The following MARCHF1 variants were observed in gnomAD, a reference collection of about 807,000 sequenced individuals.
MARCHF1 encodes E3 ubiquitin-protein ligase MARCHF1.
A neutral mutation model predicts 54.2 loss-of-function variants in MARCHF1; 40 were observed. The ratio of observed to expected loss-of-function variants is 0.74; its 90% CI spans 0.57 to 0.96. The LOEUF is 0.96. Ranked by LOEUF, MARCHF1 falls within the 40% of genes least tolerant of loss-of-function variation. The pLI is 0.00. For synonymous variants in MARCHF1, 236 were observed against 236.3 expected (o/e 1.00, Z 0.01); for missense variants, 586 against 656.5 (o/e 0.89, Z 1.17).
At chr4:164,052,984 T>C (rs915568032) in intron 2 of MARCHF1, among the ~76,000 whole-genome samples, 1 of 152,188 alleles carries the variant, frequency 6.6e-6, no homozygotes, top group Non-Finnish European at 1.5e-5. Context: ...TCTCATATAA[T>C]TTCTTCATCT....
intron 5 of MARCHF1, among the ~76,000 whole-genome samples, chr4:163,692,360 C>G (rs1366817864): frequency 2.6e-5 from 4 of 152,126 alleles, no homozygotes; most frequent in Non-Finnish European, 2.9e-5. Flanking sequence ...AATAGGTCCT[C>G]ACTGATAAAG....
chr4:163,921,999 G>A (rs1273421655), intron 3 of MARCHF1, among the ~76,000 whole-genome samples: 1 of 152,114 alleles, frequency 6.6e-6, no homozygotes, highest in Non-Finnish European at 1.5e-5. Context: ...ACTGGATTAA[G>A]AAAATGTGGC....
At chr4:164,184,615 A>C (rs1730919395) in intron 1 of MARCHF1, among the ~76,000 whole-genome samples, 1 of 152,210 alleles carries the variant, frequency 6.6e-6, no homozygotes, top group African/African-American at 2.4e-5. Flanking sequence ...TTAGTTGATA[A>C]AGACTCATAC....
intron 1 of MARCHF1, among the ~76,000 whole-genome samples, chr4:164,328,514 T>C (rs1245197889): frequency 1.3e-5 from 2 of 152,054 alleles, no homozygotes; most frequent in African/African-American, 4.8e-5. Context: ...GTTGAATCAG[T>C]GTATCGAGTC....
At chr4:163,710,176 C>T (rs2111253742) in intron 4 of MARCHF1, among the ~76,000 whole-genome samples, 1 of 152,146 alleles carries the variant, frequency 6.6e-6, no homozygotes, top group African/African-American at 2.4e-5. Context: ...TCTATACACC[C>T]CTTAGGACTT....
chr4:163,772,011 AC>A (rs1472523933), intron 4 of MARCHF1, among the ~76,000 whole-genome samples: 1 of 152,154 alleles, frequency 6.6e-6, no homozygotes, highest in African/African-American at 2.4e-5. Flanking sequence ...CAATATATTT[AC>A]AAATGTGGCT....
rs532443880 is a variant in MARCHF1 at position 163,650,119 on chromosome 4, G to A, written c.163-36726C>T. Among the ~76,000 whole-genome samples the A allele has an allele frequency of 5.9e-4, 90 of 151,954 alleles. 1 individual carries two copies. Among genetic ancestry groups the A allele is most frequent in the African/African-American group, 2.0e-3 (82 of 41,492 alleles). On this transcript the variant is annotated intron_variant, in intron 5 of 9. Transcript: ENST00000514618. ...TTTAGAAAAGGCCATGGCACACGGT[G>A]TTTATAAACACACGTATTTTTTGAG... is the stretch of plus-strand genomic sequence containing the variant.
chr4:163,894,834 CATGTGATGCATATATAT>C (rs1750758316), intron 3 of MARCHF1, among the ~76,000 whole-genome samples: 1 of 53,482 alleles, frequency 1.9e-5, no homozygotes, highest in Admixed American at 2.0e-4. Flanking sequence ...TATATATATG[CATGTGATGCATATATAT>C]ATGCATGTGA....
At chr4:164,275,865 G>A (rs1042438286) in intron 1 of MARCHF1, among the ~76,000 whole-genome samples, 7 of 152,104 alleles carry the variant, frequency 4.6e-5, no homozygotes, top group African/African-American at 1.7e-4. Context: ...GGTGATTATT[G>A]GAGTGACATT....
chr4:163,542,142 T>C (rs1027501199), intron 9 of MARCHF1, among the ~76,000 whole-genome samples: 2 of 152,236 alleles, frequency 1.3e-5, no homozygotes, highest in African/African-American at 4.8e-5. Flanking sequence ...AAACGGACCC[T>C]TGATTGTCAT....
intron 5 of MARCHF1, among the ~76,000 whole-genome samples, chr4:163,676,340 A>C (rs1451085641): frequency 6.6e-6 from 1 of 150,982 alleles, no homozygotes; most frequent in Non-Finnish European, 1.5e-5. Flanking sequence ...CTGGGCAACA[A>C]GAGCAAAACT....
intron 4 of MARCHF1, among the ~76,000 whole-genome samples, chr4:163,781,860 G>GT (rs1398066305): frequency 2.0e-5 from 3 of 152,156 alleles, no homozygotes; most frequent in Non-Finnish European, 1.5e-5. Flanking sequence ...TGGGTTGAAC[G>GT]TAAGTCAGAG....
At chr4:164,091,279 A>T (rs892919579) in intron 2 of MARCHF1, among the ~76,000 whole-genome samples, 24 of 151,900 alleles carry the variant, frequency 1.6e-4, no homozygotes, top group African/African-American at 5.6e-4. Context: ...GTATTCCATA[A>T]CACATGCACA....
At chr4:163,981,658 T>C (rs191021709) in intron 3 of MARCHF1, among the ~76,000 whole-genome samples, 9 of 152,294 alleles carry the variant, frequency 5.9e-5, no homozygotes, top group Admixed American at 3.3e-4. Context: ...GTACCTCAAA[T>C]TGAGGGATTC....
At chr4:164,189,248 A>T in intron 1 of MARCHF1, 1 of 579,410 alleles carries the variant, frequency 1.7e-6, no homozygotes, top group Non-Finnish European at 3.2e-6. Flanking sequence ...CTCCAGCTAG[A>T]GGTAGAAAAG....
At chr4:164,337,935 A>G (rs1241667816) in intron 1 of MARCHF1, among the ~76,000 whole-genome samples, 3 of 152,250 alleles carry the variant, frequency 2.0e-5, no homozygotes, top group Admixed American at 1.3e-4. Flanking sequence ...CACAAGAGGC[A>G]CTTTCATAGA....
intron 4 of MARCHF1, among the ~76,000 whole-genome samples, chr4:163,835,362 T>C (rs1407687935): frequency 1.3e-5 from 2 of 152,190 alleles, no homozygotes; most frequent in Non-Finnish European, 2.9e-5. Flanking sequence ...CAAATCAAGT[T>C]TAGCCTAAAG....
At position 163,558,504 on chromosome 4, in the gene MARCHF1, AG is replaced by A. The variant is rs565081596; in HGVS notation, c.1192-12762del. On this transcript the variant is annotated intron_variant, in intron 8 of 9. Coordinates refer to ENST00000514618, the MANE Select transcript of MARCHF1 (RefSeq NM_001394959.1). ...TGCTACTCAACTTGGTCATTGCTGA[AG>A]TGACTGGATTTAGGGACAAAAATCT... 1.2e-4 allele frequency among the ~76,000 whole-genome samples: 19 copies of A among 152,230 alleles called. No homozygotes were observed. The East Asian group carries it at 2.7e-3, about 22-fold the overall frequency.
At chr4:163,577,106 G>A (rs530596587) in intron 8 of MARCHF1, among the ~76,000 whole-genome samples, 4 of 152,068 alleles carry the variant, frequency 2.6e-5, no homozygotes, top group East Asian at 1.9e-4. Flanking sequence ...ATCATGAGAT[G>A]GTTAGCTGGT....
Sources: allele counts gnomAD v4.1 joint callset (sites outside exome capture counted in the v4.1 genomes callset), GRCh38; gene constraint gnomAD v4.1.1; transcripts MANE v1.5; gene names NCBI Gene and HGNC (gene_info 2026-07-23, HGNC 2026-07-21).